PKIB: variants seen among roughly 807,000 people sequenced by gnomAD.
The protein encoded by PKIB is PKI-beta.
Under a neutral mutation model 4.5 loss-of-function variants are expected in PKIB, and 2 were observed. That is an observed-to-expected ratio of 0.44 (90% CI 0.18 to 1.39). The LOEUF is 1.39. Among genes scored for constraint, PKIB ranks in the 40% most tolerant of loss-of-function variants. The pLI is 0.27. For synonymous variants in PKIB, 38 were observed against 36.0 expected (o/e 1.06, Z -0.20); for missense variants, 94 against 92.6 (o/e 1.02, Z -0.06).
intron 3 of PKIB, among the ~76,000 whole-genome samples, chr6:122,682,060 G>A (rs1777915973): frequency 6.6e-6 from 1 of 152,028 alleles, no homozygotes; most frequent in African/African-American, 2.4e-5. Flanking sequence ...ATTGTCTACT[G>A]CATGTAGACA....
chr6:122,652,076 T>C (rs1195857006), intron 2 of PKIB, among the ~76,000 whole-genome samples: 1 of 152,150 alleles, frequency 6.6e-6, no homozygotes, highest in Non-Finnish European at 1.5e-5. Flanking sequence ...AGAGAACATA[T>C]TCCAAGAATA....
At chr6:122,604,381 G>T (rs921019065) in intron 3 of PKIB, among the ~76,000 whole-genome samples, 1 of 152,148 alleles carries the variant, frequency 6.6e-6, no homozygotes, top group Non-Finnish European at 1.5e-5. Context: ...TCCTCAATAA[G>T]TTTCCCAAAG....
chr6:122,536,607 A>T (rs1411988089), intron 2 of PKIB, among the ~76,000 whole-genome samples: 2 of 152,170 alleles, frequency 1.3e-5, no homozygotes, highest in Non-Finnish European at 2.9e-5. Flanking sequence ...TAATGAGTGC[A>T]TTGATTCCTA....
intron 2 of PKIB, among the ~76,000 whole-genome samples, chr6:122,515,047 T>G (rs1776705931): frequency 6.6e-6 from 1 of 152,246 alleles, no homozygotes; most frequent in Non-Finnish European, 1.5e-5. Flanking sequence ...ACTATTTTAC[T>G]TTTACAGCTG....
chr6:122,718,084 A>T, intron 4 of PKIB, 121 bp downstream of exon 4: 1 of 1,001,528 alleles, frequency 1.0e-6, no homozygotes, highest in South Asian at 1.8e-5. Context: ...GTTTACTTAA[A>T]CCTCTCAGCT....
intron 2 of PKIB, among the ~76,000 whole-genome samples, chr6:122,542,631 G>A (rs1777641124): frequency 6.6e-6 from 1 of 152,040 alleles, no homozygotes; most frequent in African/African-American, 2.4e-5. Flanking sequence ...GCCCCTACTG[G>A]GGGGTGCCTC....
intron 2 of PKIB, among the ~76,000 whole-genome samples, chr6:122,633,973 T>TCTAC (rs1554226656): frequency 2.1e-4 from 32 of 151,978 alleles, no homozygotes; most frequent in Non-Finnish European, 3.4e-4. Context: ...TATCTATCTA[T>TCTAC]CCATCTATCT....
At position 122,616,062 on chromosome 6, in the gene PKIB, G is replaced by A. The variant is rs552141065; in HGVS notation, c.-161+5527G>A. On this transcript the variant is annotated intron_variant, in intron 1 of 4. Transcript: ENST00000368452. The stretch of plus-strand genomic sequence containing the variant: ...AAGCTGTTGTATAACAAGCTCAGAA[G>A]ATGCAGATTGAGTTGACATTGGCAT... Among the ~76,000 whole-genome samples, 12 of 152,296 alleles carry A rather than the reference G, an allele frequency of 7.9e-5. No individual in the cohort carries two copies. The South Asian group carries it at 1.4e-3, about 18-fold the overall frequency.
At chr6:122,682,108 C>G (rs1777917660) in intron 3 of PKIB, among the ~76,000 whole-genome samples, 2 of 152,078 alleles carry the variant, frequency 1.3e-5, no homozygotes, top group Admixed American at 6.5e-5. Context: ...TATGAACCAC[C>G]TCAGAGAAAT....
chr6:122,668,497 C>G (rs1253400013), intron 2 of PKIB, among the ~76,000 whole-genome samples: 1 of 152,170 alleles, frequency 6.6e-6, no homozygotes, highest in African/African-American at 2.4e-5. Context: ...AGCAGCTATA[C>G]TACACATTCT....
At chr6:122,655,686 T>G (rs1346061548) in intron 2 of PKIB, among the ~76,000 whole-genome samples, 1 of 152,188 alleles carries the variant, frequency 6.6e-6, no homozygotes, top group Non-Finnish European at 1.5e-5. Flanking sequence ...TAAATAAAAG[T>G]ACACATATAT....
chr6:122,598,152 T>C (rs921532006), intron 3 of PKIB, among the ~76,000 whole-genome samples: 2 of 152,212 alleles, frequency 1.3e-5, no homozygotes. Flanking sequence ...CAAGGGGTTC[T>C]GGATCTGTAA....
At chr6:122,690,937 T>A (rs1480213807) in intron 3 of PKIB, among the ~76,000 whole-genome samples, 156 of 148,756 alleles carry the variant, frequency 1.0e-3, no homozygotes, top group African/African-American at 3.8e-3. Flanking sequence ...TATATATTTT[T>A]TTTTTTTTTT....
intron 2 of PKIB, among the ~76,000 whole-genome samples, chr6:122,643,181 C>T (rs1562282264): frequency 6.6e-6 from 1 of 152,066 alleles, no homozygotes; most frequent in Non-Finnish European, 1.5e-5. Context: ...TAAGAAGCAG[C>T]ATAACAAACA....
At chr6:122,635,924 A>G (rs1582761438) in intron 2 of PKIB, among the ~76,000 whole-genome samples, 1 of 152,154 alleles carries the variant, frequency 6.6e-6, no homozygotes, top group Non-Finnish European at 1.5e-5. Flanking sequence ...TACATGACCA[A>G]TTTCATCACT....
chr6:122,725,130 G>A lies in PKIB; in HGVS notation c.172G>A (p.Ala58Thr). 1 of 1,600,860 alleles carries A rather than the reference G, an allele frequency of 6.2e-7. No homozygotes were observed. The highest frequency in any genetic ancestry group is 1.1e-5 in the South Asian group (1 of 88,788). ...KLEALSVKED[A>T]KEKDEKTTQD... ...ATGAATGGAAATTTTTTTTTCAGAT[G>A]CAAAAGAGAAAGATGAAAAAACAAC... is the stretch of plus-strand genomic sequence containing the variant. The change falls in exon 5 of 5, where the codon GCA becomes ACA. Residue 58 changes from alanine (A) to threonine (T), a missense_variant and splice_region_variant. Physicochemically the swap from Ala to Thr is moderately conservative, Grantham distance 58. Transcript: ENST00000368452.
chr6:122,638,263 G>T (rs1229174080), intron 2 of PKIB, among the ~76,000 whole-genome samples: 1 of 152,070 alleles, frequency 6.6e-6, no homozygotes, highest in Non-Finnish European at 1.5e-5. Flanking sequence ...TTAATTTAGG[G>T]AAAATATTCA....
At chr6:122,634,595 G>C (rs1775838833) in intron 2 of PKIB, among the ~76,000 whole-genome samples, 1 of 152,110 alleles carries the variant, frequency 6.6e-6, no homozygotes. Flanking sequence ...AAGCAGGAAG[G>C]AGTGGAAGAC....
chr6:122,687,024 C>T (rs572178589), intron 3 of PKIB, among the ~76,000 whole-genome samples: 98 of 152,258 alleles, frequency 6.4e-4, no homozygotes, highest in Non-Finnish European at 1.2e-3. Flanking sequence ...TGAGTTATTA[C>T]TCAAGAAATC....
Sources: gnomAD v4.1 joint callset for allele counts (sites outside exome capture counted in the v4.1 genomes callset) on GRCh38, gnomAD v4.1.1 for gene constraint, MANE v1.5 for transcripts, NCBI Gene and HGNC (gene_info 2026-07-23, HGNC 2026-07-21) for gene names.